Variants in ACSF3 observed in about 807,000 individuals in gnomAD.
ACSF3 encodes the protein malonate--CoA ligase ACSF3, mitochondrial.
A neutral mutation model predicts 53.2 loss-of-function variants in ACSF3; 78 were observed. That is an observed-to-expected ratio of 1.47 (90% CI 1.22 to 1.77). The LOEUF (loss-of-function observed/expected upper bound fraction) is 1.77, where lower values mean the gene tolerates loss of function less well. Among genes scored for constraint, ACSF3 ranks in the 40% most tolerant of loss-of-function variants. ACSF3 has a pLI of 0.00. For missense variants in ACSF3, 937 were observed against 771.1 expected (o/e 1.22, Z -2.55); for synonymous variants, 414 against 333.1 (o/e 1.24, Z -2.65).
chr16:89,143,487 G>C (rs1475596987), intron 8 of ACSF3, among the ~76,000 whole-genome samples: 1 of 152,218 alleles, frequency 6.6e-6, no homozygotes, highest in East Asian at 1.9e-4. Context: ...AGCAGCTGTG[G>C]CATCCGTGGG....
At chr16:89,114,619 C>G (rs1030721496) in intron 6 of ACSF3, 132 bp downstream of exon 6, 34 of 1,353,892 alleles carry the variant, frequency 2.5e-5, no homozygotes, top group Non-Finnish European at 3.2e-5. Context: ...ACAGGCCACT[C>G]GGCCAGGAGA....
At chr16:89,112,400 C>A (rs1976803101) in intron 5 of ACSF3, among the ~76,000 whole-genome samples, 154 bp downstream of exon 5, 1 of 152,070 alleles carries the variant, frequency 6.6e-6, no homozygotes, top group South Asian at 2.1e-4. Context: ...CCGTCTCTAC[C>A]TCTCTAACTG....
chr16:89,146,538 G>A (rs1483625175), intron 10 of ACSF3, among the ~76,000 whole-genome samples: 2 of 152,182 alleles, frequency 1.3e-5, no homozygotes, highest in African/African-American at 2.4e-5. Context: ...GCACCTGCAC[G>A]GCCTCTCCCT....
chr16:89,096,752 G>C (rs1974659826), intron 1 of ACSF3, among the ~76,000 whole-genome samples: 1 of 152,180 alleles, frequency 6.6e-6, no homozygotes, highest in African/African-American at 2.4e-5. Context: ...GCCGACTCTG[G>C]CTAGGCCAGG....
intron 6 of ACSF3, among the ~76,000 whole-genome samples, chr16:89,118,344 A>C (rs1434171798): frequency 6.7e-6 from 1 of 149,528 alleles, no homozygotes; most frequent in Admixed American, 6.7e-5. Context: ...AAAAGTAAGT[A>C]AAGTCACCTC....
At chr16:89,094,299 T>G (rs554608934) in intron 1 of ACSF3, among the ~76,000 whole-genome samples, 1 of 151,898 alleles carries the variant, frequency 6.6e-6, no homozygotes, top group Non-Finnish European at 1.5e-5. Context: ...GAACGAATCG[T>G]CTTTGGTTGT....
Position 89,100,892 on chromosome 16 carries a change from C to A in ACSF3, c.211C>A (p.Leu71Ile), listed in dbSNP as rs529560098. Residue 71 changes from leucine (L) to isoleucine (I), a missense_variant, in exon 3 of 11, where the codon CTT (leucine) becomes ATT (isoleucine). Physicochemically the swap from Leu to Ile is conservative, Grantham distance 5. Coordinates refer to ENST00000614302, the MANE Select transcript of ACSF3 (RefSeq NM_001243279.3). The part of the protein sequence containing the change: ...DQHGRHTYRE[L>I]YSRSLRLSQE... Reference sequence around the variant, plus strand: ...GCACGGCCGCCACACGTACAGGGAGCTTTATTCCCGCAGCCTTCGCCTGTC... The same window carrying A: ...GCACGGCCGCCACACGTACAGGGAGATTTATTCCCGCAGCCTTCGCCTGTC... 10 of 1,613,872 alleles carry A rather than the reference C, an allele frequency of 6.2e-6. No homozygotes were observed. In the South Asian group the frequency reaches 8.8e-5, roughly 14 times the overall value.
chr16:89,125,343 C>CAAAT (rs55716532), intron 7 of ACSF3, among the ~76,000 whole-genome samples: 91,466 of 140,874 alleles, frequency 0.65, 29,382 homozygotes, highest in Middle Eastern at 0.75. Flanking sequence ...AACTCTGTCT[C>CAAAT]AAAAAAAAAA....
intron 6 of ACSF3, among the ~76,000 whole-genome samples, chr16:89,116,431 G>A (rs1042915314): frequency 1.3e-5 from 2 of 152,222 alleles, no homozygotes; most frequent in Non-Finnish European, 2.9e-5. Flanking sequence ...AGGTGAGTGT[G>A]AGGGCTGGCT....
At chr16:89,102,144 G>T (rs1975420194) in intron 3 of ACSF3, among the ~76,000 whole-genome samples, 2 of 152,262 alleles carry the variant, frequency 1.3e-5, no homozygotes, top group Admixed American at 1.3e-4. Context: ...GTGTGCTCTG[G>T]AGCCTGGCCT....
intron 7 of ACSF3, 49 bp downstream of exon 7, chr16:89,120,962 GC>G (rs770612972): frequency 7.7e-6 from 12 of 1,548,848 alleles, no homozygotes; most frequent in South Asian, 6.7e-5. Flanking sequence ...TCCAGTCTAG[GC>G]CCCCCAGGGT....
At chr16:89,128,969 T>C (rs1358475759) in intron 7 of ACSF3, among the ~76,000 whole-genome samples, 1 of 16,262 alleles carries the variant, frequency 6.1e-5, no homozygotes, top group Non-Finnish European at 2.7e-4. Context: ...CTACAAAAAG[T>C]TGGAAAAAAA....
intron 6 of ACSF3, among the ~76,000 whole-genome samples, chr16:89,120,382 C>T (rs571566930): frequency 1.3e-5 from 2 of 152,226 alleles, no homozygotes; most frequent in Admixed American, 6.5e-5. Context: ...TGGACAGCCC[C>T]GGGGCCATCA....
Position 89,101,330 on chromosome 16 carries a change from C to A in ACSF3, c.649C>A (p.Gln217Lys). 6.3e-7 allele frequency: 1 copy of A among 1,590,696 alleles called. No homozygotes were observed. The highest frequency in any genetic ancestry group is 2.3e-5 in the East Asian group (1 of 43,620). ...GCCCAAGGGCGTGCTGAGCACGCAC[C>A]AAAACATCAGGGCTGTGGTGAGTGC... ...GRPKGVLSTH[Q>K]NIRAVVTGLV... Residue 217 changes from glutamine to lysine, a missense_variant, in exon 3 of 11, where the codon CAA becomes AAA. Transcript: ENST00000614302.
At chr16:89,102,456 C>A (rs963094556) in intron 3 of ACSF3, 148 bp from the exon 4 acceptor site, 3 of 899,292 alleles carry the variant, frequency 3.3e-6, no homozygotes, top group Non-Finnish European at 5.3e-6. Flanking sequence ...TGAGAGGCTG[C>A]TAAAGGGGAG....
rs1003630255 is a variant in ACSF3, at chr16:89,101,088, A to G, written c.407A>G (p.Tyr136Cys). Residue 136 changes from tyrosine to cysteine, a missense_variant, in exon 3 of 11, where the codon TAT (tyrosine) becomes TGT (cysteine). Tyr to Cys is a radical substitution (Grantham distance 194). Coordinates refer to ENST00000614302, the MANE Select transcript of ACSF3 (RefSeq NM_001243279.3). ...AAGCATCCCGCGGCCCAGCTGGAGTATGTCATCTGCGACTCCCAGAGCTCT... is the reference window on the plus strand; with the variant it reads ...AAGCATCCCGCGGCCCAGCTGGAGTGTGTCATCTGCGACTCCCAGAGCTCT... ...YRKHPAAQLEYVICDSQSSVV... is the reference protein window; with the variant it reads ...YRKHPAAQLECVICDSQSSVV... 6 of 1,614,026 alleles carry G rather than the reference A, an allele frequency of 3.7e-6. No homozygotes were observed. Among genetic ancestry groups the G allele is most frequent in the African/African-American group, 1.3e-5 (1 of 75,016 alleles).
At chr16:89,096,176 C>T (rs1470133777) in intron 1 of ACSF3, among the ~76,000 whole-genome samples, 6 of 152,168 alleles carry the variant, frequency 3.9e-5, no homozygotes, top group African/African-American at 4.8e-5. Context: ...TGCCCAGCCA[C>T]GTGGTGACGC....
At chr16:89,141,981 G>A (rs2069014780) in intron 8 of ACSF3, among the ~76,000 whole-genome samples, 1 of 152,202 alleles carries the variant, frequency 6.6e-6, no homozygotes, top group African/African-American at 2.4e-5. Flanking sequence ...TGCTGCTGGG[G>A]GAGTCTCAGA....
At chr16:89,122,014 G>A (rs1309580833) in intron 7 of ACSF3, among the ~76,000 whole-genome samples, 1 of 136,028 alleles carries the variant, frequency 7.4e-6, no homozygotes, top group African/African-American at 2.8e-5. Flanking sequence ...GTTATCCCCC[G>A]TGGCCCTGAA....
Sources: gnomAD v4.1 joint callset for allele counts (sites outside exome capture counted in the v4.1 genomes callset) on GRCh38, gnomAD v4.1.1 for gene constraint, MANE v1.5 for transcripts, NCBI Gene and HGNC (gene_info 2026-07-23, HGNC 2026-07-21) for gene names.